The following ADAM12 variants were observed in gnomAD, a reference collection of about 807,000 sequenced individuals.
The protein encoded by ADAM12 is ADAM metallopeptidase domain 12.
In ADAM12, 70 loss-of-function variants were observed where a neutral mutation model predicts 106.4. The ratio of observed to expected loss-of-function variants is 0.66; its 90% CI spans 0.54 to 0.80. The LOEUF (loss-of-function observed/expected upper bound fraction) is 0.80, where lower values mean the gene tolerates loss of function less well. Ranked by LOEUF, ADAM12 falls within the 30% of genes least tolerant of loss-of-function variation. The probability of loss-of-function intolerance (pLI) is 0.00; values close to 1 mark genes in which losing one functional copy is unlikely to be tolerated. For missense variants in ADAM12, 1,010 were observed against 1,171.9 expected (o/e 0.86, Z 2.02); for synonymous variants, 420 against 433.5 (o/e 0.97, Z 0.39).
intron 3 of ADAM12, among the ~76,000 whole-genome samples, chr10:126,235,439 C>T (rs11244895): frequency 0.17 from 25,624 of 152,186 alleles, 2,187 homozygotes; most frequent in South Asian, 0.21. Context: ...AACCAGGGAG[C>T]GCGGACCGCT....
intron 3 of ADAM12, among the ~76,000 whole-genome samples, chr10:126,268,225 CATA>C (rs1451539976): frequency 3.9e-5 from 6 of 152,204 alleles, no homozygotes; most frequent in East Asian, 1.9e-4. Flanking sequence ...AATAGAATCG[CATA>C]ATATTTGTCC....
chr10:126,158,585 T>G lies in ADAM12; in HGVS notation c.261-3280A>C, dbSNP rs1337023633. ...GGGCAGGGATGCACAGAGCCGGGGG[T>G]GGGGATGCAGAGAGCAGAGGCGGGG... is the stretch of plus-strand genomic sequence containing the variant. On this transcript the variant is annotated intron_variant, in intron 3 of 22. Coordinates refer to ENST00000448723, the MANE Select transcript of ADAM12 (RefSeq NM_001288973.2). 6.2e-3 allele frequency among the ~76,000 whole-genome samples: 163 copies of G among 26,452 alleles called. 4 individuals carry two copies. The highest frequency in any genetic ancestry group is 0.038 in the Middle Eastern group (1 of 26). The allele number at this position is 26,452 out of a possible 152,430, so 17.4% of individuals were successfully genotyped here. A position where few individuals can be genotyped will look rare whatever the true frequency, so the allele number is the denominator to read the frequency against.
intron 4 of ADAM12, among the ~76,000 whole-genome samples, chr10:126,141,673 T>C (rs1382582904): frequency 6.6e-6 from 1 of 152,196 alleles, no homozygotes; most frequent in Non-Finnish European, 1.5e-5. Context: ...ATCAAACGTC[T>C]GTTACCCAAC....
At chr10:126,079,425 C>G (rs1565039721) in intron 11 of ADAM12, among the ~76,000 whole-genome samples, 1 of 152,178 alleles carries the variant, frequency 6.6e-6, no homozygotes, top group African/African-American at 2.4e-5. Flanking sequence ...GAATCCTACA[C>G]CATGTGGCCT....
chr10:126,275,496 A>T (rs1959219328), intron 3 of ADAM12, among the ~76,000 whole-genome samples: 1 of 152,232 alleles, frequency 6.6e-6, no homozygotes, highest in Admixed American at 6.5e-5. Context: ...CTGTGCCATG[A>T]AGAATCGGTT....
chr10:126,012,834 T>C lies in ADAM12; in HGVS notation c.*4445A>G, dbSNP rs146899242. 4.6e-5 allele frequency: 7 copies of C among 152,346 alleles called. No individual in the cohort carries two copies. In the East Asian group the frequency reaches 1.2e-3, roughly 25 times the overall value. The allele number at this position is 152,346 out of a possible 1,614,324, so 9.4% of individuals were successfully genotyped here. ...TCTGCCCTACTAAGGTACCTGCTTATAGGCCATGAAAATAAAACGCCATTC... is the reference window on the plus strand; with the variant it reads ...TCTGCCCTACTAAGGTACCTGCTTACAGGCCATGAAAATAAAACGCCATTC... On this transcript the variant is annotated 3_prime_UTR_variant, in exon 23 of 23. Coordinates refer to ENST00000448723, the MANE Select transcript of ADAM12 (RefSeq NM_001288973.2).
At chr10:126,301,941 C>T (rs1346955739) in intron 2 of ADAM12, among the ~76,000 whole-genome samples, 1 of 152,162 alleles carries the variant, frequency 6.6e-6, no homozygotes, top group Non-Finnish European at 1.5e-5. Context: ...ATTCATGGAA[C>T]ATATATGGGT....
At chr10:126,339,375 T>C (rs1215153476) in intron 1 of ADAM12, among the ~76,000 whole-genome samples, 1 of 152,168 alleles carries the variant, frequency 6.6e-6, no homozygotes, top group Non-Finnish European at 1.5e-5. Flanking sequence ...ATCATACACG[T>C]CTTGTCAATA....
chr10:126,033,198 T>A (rs117984599), intron 21 of ADAM12, among the ~76,000 whole-genome samples: 362 of 152,266 alleles, frequency 2.4e-3, no homozygotes, highest in Non-Finnish European at 4.5e-3. Context: ...ACTAGTAGCT[T>A]GAAACTGGCC....
chr10:126,029,316 A>G (rs929047310), intron 21 of ADAM12, among the ~76,000 whole-genome samples: 1 of 152,232 alleles, frequency 6.6e-6, no homozygotes, highest in Non-Finnish European at 1.5e-5. Context: ...ACTATTCACA[A>G]TAGCAAAGAC....
intron 1 of ADAM12, among the ~76,000 whole-genome samples, chr10:126,384,759 T>A (rs1207531695): frequency 6.6e-6 from 1 of 152,224 alleles, no homozygotes; most frequent in Non-Finnish European, 1.5e-5. Flanking sequence ...ATGTTTCACC[T>A]CTGGTCACCC....
At chr10:126,380,848 G>A (rs1050381922) in intron 1 of ADAM12, among the ~76,000 whole-genome samples, 1 of 152,164 alleles carries the variant, frequency 6.6e-6, no homozygotes, top group African/African-American at 2.4e-5. Flanking sequence ...TAGCCATTTG[G>A]TACAGAAGAA....
At chr10:126,107,970 C>T (rs1017934676) in intron 8 of ADAM12, among the ~76,000 whole-genome samples, 1 of 152,104 alleles carries the variant, frequency 6.6e-6, no homozygotes, top group Non-Finnish European at 1.5e-5. Context: ...GTGTGAGGAG[C>T]GGTTAGTGAA....
intron 14 of ADAM12, among the ~76,000 whole-genome samples, chr10:126,057,756 G>A (rs1363179744): frequency 3.3e-5 from 5 of 152,180 alleles, no homozygotes; most frequent in African/African-American, 4.8e-5. Context: ...TGTGGTAGGA[G>A]GTTGCTCTGG....
In ADAM12 at chr10:126,330,331, T is replaced by C. The variant is rs568886694; in HGVS notation, c.186+81A>G. The C allele has an allele frequency of 2.4e-5, 29 of 1,214,408 alleles. No individual in the cohort carries two copies. In the Middle Eastern group the frequency reaches 5.9e-4, roughly 25 times the overall value. 75.2% of individuals were successfully genotyped at this position (1,214,408 alleles called of 1,614,324 possible). On this transcript the variant is annotated intron_variant, in intron 2 of 22. Transcript: ENST00000448723. Reference sequence around the variant, plus strand: ...GCATTAAAGTGAGTAGAGACAACCCTTGAATGAGAGAATACCAAAGCAGCT... The same window carrying C: ...GCATTAAAGTGAGTAGAGACAACCCCTGAATGAGAGAATACCAAAGCAGCT...
At chr10:126,385,986 A>T (rs1856647480) in intron 1 of ADAM12, among the ~76,000 whole-genome samples, 1 of 152,082 alleles carries the variant, frequency 6.6e-6, no homozygotes. Flanking sequence ...TGCAGAAGAG[A>T]TTTTTCCTAT....
intron 1 of ADAM12, among the ~76,000 whole-genome samples, chr10:126,364,449 C>A (rs1398603316): frequency 6.6e-6 from 1 of 151,986 alleles, no homozygotes; most frequent in Non-Finnish European, 1.5e-5. Flanking sequence ...CTAAAACCAG[C>A]AAGACATTTT....
At chr10:126,345,949 G>T (rs529988501) in intron 1 of ADAM12, among the ~76,000 whole-genome samples, 2 of 152,034 alleles carry the variant, frequency 1.3e-5, no homozygotes, top group Non-Finnish European at 2.9e-5. Flanking sequence ...TATCAATTTT[G>T]TTGATCCTTT....
In ADAM12 at chr10:126,165,175, C is replaced by CT. The variant is rs1349729352; in HGVS notation, c.261-9871dup. ...AGGGTGTCAGGCCTTGGGGCATTCACTTTTTTTTTTGAGACTGAGTCTCTC... is the reference window on the plus strand; with the variant it reads ...AGGGTGTCAGGCCTTGGGGCATTCACTTTTTTTTTTTGAGACTGAGTCTCTC... On this transcript the variant is annotated intron_variant, in intron 3 of 22. Transcript: ENST00000448723. 5.2e-3 allele frequency among the ~76,000 whole-genome samples: 779 copies of CT among 149,612 alleles called. 5 individuals are homozygous for CT. The highest frequency in any genetic ancestry group is 0.018 in the African/African-American group (737 of 40,932).
Sources: allele counts gnomAD v4.1 joint callset (sites outside exome capture counted in the v4.1 genomes callset), GRCh38; gene constraint gnomAD v4.1.1; transcripts MANE v1.5; gene names NCBI Gene and HGNC (gene_info 2026-07-23, HGNC 2026-07-21).